The following CAMKMT variants were observed in gnomAD, a reference collection of about 807,000 sequenced individuals.
The protein encoded by CAMKMT is CaM KMT.
Under a neutral mutation model 48.0 loss-of-function variants are expected in CAMKMT, and 53 were observed. The observed-to-expected ratio is 1.10, with a 90% CI of 0.89 to 1.39. The LOEUF is 1.39. CAMKMT is among the 40% of genes most tolerant of loss of function. The pLI, the probability that CAMKMT is intolerant of heterozygous loss-of-function variation, is 0.00. For missense variants in CAMKMT, 428 were observed against 402.7 expected, an observed-to-expected ratio of 1.06 and a Z score of -0.54; for synonymous variants, 165 against 152.3, an observed-to-expected ratio of 1.08 and a Z score of -0.61.
At chr2:44,364,016 T>C (rs1678328481) in intron 1 of CAMKMT, among the ~76,000 whole-genome samples, 1 of 145,368 alleles carries the variant, frequency 6.9e-6, no homozygotes, top group African/African-American at 2.5e-5. Flanking sequence ...CCTTCCTTTT[T>C]TTTTTTTTTT....
intron 3 of CAMKMT, among the ~76,000 whole-genome samples, chr2:44,518,299 A>G (rs1244862573): frequency 6.6e-6 from 1 of 152,202 alleles, no homozygotes; most frequent in East Asian, 1.9e-4. Context: ...GCCATGTGGC[A>G]TAACTATTTG....
At chr2:44,438,811 C>A (rs1361789699) in intron 3 of CAMKMT, among the ~76,000 whole-genome samples, 1 of 152,182 alleles carries the variant, frequency 6.6e-6, no homozygotes. Context: ...GATTCTCCTG[C>A]CTCAGCCTCT....
chr2:44,673,473 G>GGAAGGAAA (rs1191966508), intron 3 of CAMKMT, among the ~76,000 whole-genome samples: 2 of 77,486 alleles, frequency 2.6e-5, no homozygotes, highest in African/African-American at 4.4e-5. Flanking sequence ...AAGAGAGAGA[G>GGAAGGAAA]GAAGGAAGGA....
rs1372993499 is a variant in CAMKMT at position 44,710,400 on chromosome 2, T to G, written c.556+2938T>G. 2.6e-5 allele frequency among the ~76,000 whole-genome samples: 4 copies of G among 152,132 alleles called. No homozygotes were observed. The East Asian group carries it at 5.8e-4, about 22-fold the overall frequency. ...TAAAAATTTTTAAGTCACAAATATT[T>G]TCTTAGATTCATGGGTAGTTTTCCC... On this transcript the variant is annotated intron_variant, in intron 6 of 10. Transcript: ENST00000378494.
At chr2:44,397,349 A>G (rs1572754381) in intron 3 of CAMKMT, among the ~76,000 whole-genome samples, 2 of 152,358 alleles carry the variant, frequency 1.3e-5, no homozygotes, top group South Asian at 4.1e-4. Flanking sequence ...CGCATGGGTA[A>G]TGATCAGCAG....
At chr2:44,393,146 G>A (rs992366799) in intron 3 of CAMKMT, among the ~76,000 whole-genome samples, 1 of 152,142 alleles carries the variant, frequency 6.6e-6, no homozygotes, top group Non-Finnish European at 1.5e-5. Flanking sequence ...GAGATGAAAG[G>A]ATCAGTCTTA....
intron 7 of CAMKMT, 73 bp from the exon 8 acceptor site, chr2:44,743,548 AT>A (rs376733160): frequency 1.2e-5 from 12 of 1,042,532 alleles, no homozygotes; most frequent in African/African-American, 6.5e-5. Context: ...CCACAAAAAA[AT>A]AATGTTAATA....
intron 3 of CAMKMT, among the ~76,000 whole-genome samples, chr2:44,558,983 G>GGATAGATAGATA (rs57423310): frequency 5.3e-5 from 8 of 151,602 alleles, no homozygotes; most frequent in African/African-American, 1.9e-4. Flanking sequence ...ATGTATGTAT[G>GGATAGATAGATA]GATAGATAGA....
chr2:44,386,116 TG>T (rs1258353003), intron 2 of CAMKMT, among the ~76,000 whole-genome samples: 1 of 152,072 alleles, frequency 6.6e-6, no homozygotes, highest in Non-Finnish European at 1.5e-5. Context: ...GACTTTTTTT[TG>T]TTGGTAATTT....
chr2:44,749,328 G>GT (rs1680055935), intron 8 of CAMKMT, among the ~76,000 whole-genome samples: 1 of 152,170 alleles, frequency 6.6e-6, no homozygotes, highest in Non-Finnish European at 1.5e-5. Flanking sequence ...ATCCTTGACA[G>GT]TATCAGTAAA....
intron 3 of CAMKMT, among the ~76,000 whole-genome samples, chr2:44,450,482 C>T (rs973288067): frequency 2.0e-5 from 3 of 152,084 alleles, no homozygotes; most frequent in Non-Finnish European, 4.4e-5. Context: ...CAAATACAAA[C>T]CTTAAAAGGG....
intron 3 of CAMKMT, among the ~76,000 whole-genome samples, chr2:44,538,002 T>C (rs1666875901): frequency 6.6e-6 from 1 of 152,166 alleles, no homozygotes; most frequent in African/African-American, 2.4e-5. Flanking sequence ...CATGCACACA[T>C]GTGTTTATAG....
chr2:44,506,699 A>T (rs997444195), intron 3 of CAMKMT, among the ~76,000 whole-genome samples: 5 of 152,162 alleles, frequency 3.3e-5, no homozygotes, highest in Admixed American at 6.5e-5. Flanking sequence ...ACATAGTATA[A>T]ATATAGTTCA....
chr2:44,407,905 A>C (rs960492958), intron 3 of CAMKMT, among the ~76,000 whole-genome samples: 1 of 152,214 alleles, frequency 6.6e-6, no homozygotes, highest in South Asian at 2.1e-4. Flanking sequence ...CTTCAGAAGC[A>C]TATGGCTCAA....
Position 44,658,852 on chromosome 2 carries a change from C to A in CAMKMT, c.377-45431C>A, listed in dbSNP as rs1674518237. ...TGGGAGCCATTTCATTCATGCTGCTCTACTCTTTACTTGGACTGCTAGCAA... is the reference window on the plus strand; with the variant it reads ...TGGGAGCCATTTCATTCATGCTGCTATACTCTTTACTTGGACTGCTAGCAA... On this transcript the variant is annotated intron_variant, in intron 3 of 10. Transcript: ENST00000378494. 7.9e-5 allele frequency among the ~76,000 whole-genome samples: 12 copies of A among 152,196 alleles called. No homozygotes were observed. In the South Asian group the frequency reaches 2.5e-3, roughly 32 times the overall value.
intron 3 of CAMKMT, among the ~76,000 whole-genome samples, chr2:44,420,744 G>A (rs1428212816): frequency 5.3e-5 from 8 of 151,660 alleles, no homozygotes; most frequent in Non-Finnish European, 1.0e-4. Flanking sequence ...TAAAATATTT[G>A]TTGATAGGTT....
At chr2:44,599,473 T>C (rs1029883420) in intron 3 of CAMKMT, among the ~76,000 whole-genome samples, 7 of 152,102 alleles carry the variant, frequency 4.6e-5, no homozygotes, top group African/African-American at 7.3e-5. Flanking sequence ...TACATCAATA[T>C]CGTTTTCCTT....
chr2:44,656,413 G>T (rs1283660544), intron 3 of CAMKMT, among the ~76,000 whole-genome samples: 1 of 151,746 alleles, frequency 6.6e-6, no homozygotes, highest in Non-Finnish European at 1.5e-5. Context: ...TGTTTAGAAG[G>T]CCCTGGCTTC....
intron 3 of CAMKMT, among the ~76,000 whole-genome samples, chr2:44,638,987 A>G (rs996703587): frequency 6.6e-6 from 1 of 152,188 alleles, no homozygotes; most frequent in Non-Finnish European, 1.5e-5. Flanking sequence ...AGCTCCCCAA[A>G]TGGTTTGTGC....
Sources: gnomAD v4.1 joint callset for allele counts (sites outside exome capture counted in the v4.1 genomes callset) on GRCh38, gnomAD v4.1.1 for gene constraint, MANE v1.5 for transcripts, NCBI Gene and HGNC (gene_info 2026-07-23, HGNC 2026-07-21) for gene names.